The following ACSF3 variants were observed in gnomAD, a reference collection of about 807,000 sequenced individuals.
ACSF3 encodes the protein malonate--CoA ligase ACSF3, mitochondrial.
A neutral mutation model predicts 53.2 loss-of-function variants in ACSF3; 78 were observed. The ratio of observed to expected loss-of-function variants is 1.47; its 90% CI spans 1.22 to 1.77. ACSF3 has a LOEUF of 1.77. Ranked by LOEUF, ACSF3 falls within the 40% of genes most tolerant of loss-of-function variation. ACSF3 has a pLI of 0.00. For synonymous variants in ACSF3, 414 were observed against 333.1 expected (o/e 1.24, Z -2.65); for missense variants, 937 against 771.1 (o/e 1.22, Z -2.55).
At chr16:89,145,860 C>T (rs973883643) in intron 9 of ACSF3, 78 bp from the exon 10 acceptor site, 1 of 1,255,650 alleles carries the variant, frequency 8.0e-7, no homozygotes, top group Non-Finnish European at 1.2e-6. Flanking sequence ...TGCGCTCTTC[C>T]TGTGTGTCCA....
chr16:89,096,829 T>C (rs886733037), intron 1 of ACSF3, among the ~76,000 whole-genome samples: 6 of 152,156 alleles, frequency 3.9e-5, no homozygotes, highest in African/African-American at 4.8e-5. Flanking sequence ...CCGTGGCCTC[T>C]CCTCATAGCG....
At chr16:89,135,702 T>TG (rs1910296141) in intron 8 of ACSF3, among the ~76,000 whole-genome samples, 1 of 152,268 alleles carries the variant, frequency 6.6e-6, no homozygotes, top group Non-Finnish European at 1.5e-5. Context: ...GAGCAGGTCT[T>TG]GCTCTGAGCA....
At chr16:89,121,857 C>T (rs973462665) in intron 7 of ACSF3, among the ~76,000 whole-genome samples, 1 of 152,222 alleles carries the variant, frequency 6.6e-6, no homozygotes, top group African/African-American at 2.4e-5. Flanking sequence ...GAGCGATGGT[C>T]GTGGTTGGAC....
intron 8 of ACSF3, among the ~76,000 whole-genome samples, chr16:89,137,758 C>G (rs1346324289): frequency 6.6e-6 from 1 of 152,114 alleles, no homozygotes; most frequent in Non-Finnish European, 1.5e-5. Flanking sequence ...AAATTCTGCT[C>G]GGAGCGAGAA....
chr16:89,102,805 C>A, intron 4 of ACSF3, 46 bp downstream of exon 4: 1 of 1,522,528 alleles, frequency 6.6e-7, no homozygotes. Flanking sequence ...GACTAGGCGC[C>A]TTTCCCCTGT....
rs541749160 is a variant in ACSF3, at chr16:89,103,898, C to A, written c.822+1139C>A. Reference sequence around the variant, plus strand: ...CGCCGAGCTGCTGCGCGCAGCCTTGCCTGTGCAGGGCTGTCTCCAGGCAGA... The same window carrying A: ...CGCCGAGCTGCTGCGCGCAGCCTTGACTGTGCAGGGCTGTCTCCAGGCAGA... On this transcript the variant is annotated intron_variant, in intron 4 of 10. Transcript: ENST00000614302. Among the ~76,000 whole-genome samples the A allele has an allele frequency of 5.3e-5, 8 of 152,344 alleles. No homozygotes were observed. In the East Asian group the frequency reaches 1.5e-3, roughly 29 times the overall value.
rs1467035615 is a variant in ACSF3, at chr16:89,100,984, A to G, written c.303A>G (p.Leu101=). 5 of 1,613,526 alleles carry G rather than the reference A, an allele frequency of 3.1e-6. No individual in the cohort carries two copies. The highest frequency in any genetic ancestry group is 1.3e-5 in the African/African-American group (1 of 75,018). The stretch of plus-strand genomic sequence containing the variant: ...TCCGGGAGGAGAGGGTCTCCTTCCT[A>G]TGCGCTAACGATGCCTCCTACGTCG... ...GDLREERVSF[L]CANDASYVVA... The change falls in exon 3 of 11, where the codon CTA becomes CTG. Residue 101 remains leucine, a synonymous_variant. Transcript: ENST00000614302.
intron 4 of ACSF3, among the ~76,000 whole-genome samples, chr16:89,104,570 G>C (rs926686219): frequency 6.6e-6 from 1 of 152,214 alleles, no homozygotes; most frequent in African/African-American, 2.4e-5. Flanking sequence ...AATTTCGCCA[G>C]GAAGGGGTCC....
rs1393207518 is a variant in ACSF3, at chr16:89,154,689, G to T, written c.*482G>T. The T allele has an allele frequency of 2.2e-6, 1 of 454,094 alleles. No individual in the cohort carries two copies. The highest frequency in any genetic ancestry group is 2.0e-5 in the African/African-American group (1 of 50,012). 28.1% of individuals were successfully genotyped at this position (454,094 alleles called of 1,614,324 possible). On this transcript the variant is annotated 3_prime_UTR_variant, in exon 11 of 11. Transcript: ENST00000614302. Reference sequence around the variant, plus strand: ...GGGCAGCCACCCAGGGGGCCCTCCTGGGAGGAGCTGAGGGTTCACAAGCCT... The same window carrying T: ...GGGCAGCCACCCAGGGGGCCCTCCTTGGAGGAGCTGAGGGTTCACAAGCCT...
intron 2 of ACSF3, among the ~76,000 whole-genome samples, chr16:89,099,165 C>G (rs1383842290): frequency 6.6e-6 from 1 of 152,264 alleles, no homozygotes; most frequent in Non-Finnish European, 1.5e-5. Flanking sequence ...AATGCGGGGG[C>G]TGTGCCCCTG....
intron 8 of ACSF3, among the ~76,000 whole-genome samples, chr16:89,134,163 G>A (rs1344679900): frequency 3.9e-5 from 6 of 152,252 alleles, no homozygotes. Context: ...GTAGCGGGCA[G>A]CTTCCAAAAT....
chr16:89,124,862 T>G (rs59501746), intron 7 of ACSF3, among the ~76,000 whole-genome samples: 1 of 152,202 alleles, frequency 6.6e-6, no homozygotes, highest in South Asian at 2.1e-4. Context: ...CAAAGATTAA[T>G]TGGACATATT....
At chr16:89,114,949 C>T (rs995706956) in intron 6 of ACSF3, 16 of 285,234 alleles carry the variant, frequency 5.6e-5, no homozygotes, top group African/African-American at 3.5e-4. Context: ...CACCTGTCTT[C>T]CTTCTCTAGA....
chr16:89,098,303 T>G lies in ACSF3; in HGVS notation c.-193-288T>G, dbSNP rs76633252. Among the ~76,000 whole-genome samples, 9 of 152,288 alleles carry G rather than the reference T, an allele frequency of 5.9e-5. No individual in the cohort carries two copies. The East Asian group carries it at 1.7e-3, about 29-fold the overall frequency. ...GTACAAACCACAGACAATAACACAG[T>G]AGCTTTCCCCTCACAAGTTAATGAA... On this transcript the variant is annotated intron_variant, in intron 1 of 10. Transcript: ENST00000614302.
intron 4 of ACSF3, among the ~76,000 whole-genome samples, chr16:89,111,285 C>T (rs961801603): frequency 3.9e-5 from 6 of 152,274 alleles, no homozygotes; most frequent in African/African-American, 1.2e-4. Context: ...CCGGAGATTC[C>T]TGCCTTTCTC....
chr16:89,095,590 C>G (rs1244453675), intron 1 of ACSF3, among the ~76,000 whole-genome samples: 3 of 94,422 alleles, frequency 3.2e-5, no homozygotes, highest in African/African-American at 1.4e-4. Flanking sequence ...CCACTTCAAA[C>G]ACAAGGTCTG....
intron 8 of ACSF3, among the ~76,000 whole-genome samples, chr16:89,134,093 G>A (rs1377376705): frequency 6.6e-6 from 1 of 152,246 alleles, no homozygotes; most frequent in African/African-American, 2.4e-5. Flanking sequence ...TGGACATTTG[G>A]ATAGCGGACG....
intron 10 of ACSF3, chr16:89,147,512 T>TGAGTGAGGGAGGAGGGAGGGTC (rs1913280440): frequency 7.7e-5 from 1 of 12,980 alleles, no homozygotes; most frequent in Non-Finnish European, 1.4e-4. Flanking sequence ...GAGGGAGGGG[T>TGAGTGAGGGAGGAGGGAGGGTC]CACAGAGTGA....
intron 7 of ACSF3, chr16:89,122,437 T>C (rs1328978379): frequency 4.4e-6 from 2 of 450,466 alleles, no homozygotes; most frequent in South Asian, 3.1e-5. Flanking sequence ...GCCCTGCTGG[T>C]ACTAGGCTGC....
Sources: allele counts gnomAD v4.1 joint callset (sites outside exome capture counted in the v4.1 genomes callset), GRCh38; gene constraint gnomAD v4.1.1; transcripts MANE v1.5; gene names NCBI Gene and HGNC (gene_info 2026-07-23, HGNC 2026-07-21).